Variants in COP1 observed in about 807,000 individuals in gnomAD.
COP1 encodes E3 ubiquitin-protein ligase COP1.
COP1 carries 24 observed loss-of-function variants against 101.3 expected under a neutral mutation model. The ratio of observed to expected loss-of-function variants is 0.24; its 90% CI spans 0.17 to 0.33. The LOEUF is 0.33. Ranked by LOEUF, COP1 falls within the 10% of genes least tolerant of loss-of-function variation. The pLI is 1.00. For missense variants in COP1, 663 were observed against 906.2 expected, an observed-to-expected ratio of 0.73 and a Z score of 3.45; for synonymous variants, 347 against 341.9, an observed-to-expected ratio of 1.01 and a Z score of -0.17.
rs1675674858 is a variant in COP1, at chr1:176,065,054, G to GT, written c.1277+16097dup. Among the ~76,000 whole-genome samples the GT allele has an allele frequency of 3.3e-5, 5 of 152,132 alleles. No homozygotes were observed. The South Asian group carries it at 1.0e-3, about 32-fold the overall frequency. The stretch of plus-strand genomic sequence containing the variant: ...ATAACTAAGATTATAGAAGTTGTAC[G>GT]TAAGTCAATAGCCCTGAAATAACCC... On this transcript the variant is annotated intron_variant, in intron 11 of 19. Coordinates refer to ENST00000367669, the MANE Select transcript of COP1 (RefSeq NM_022457.7).
chr1:176,142,359 C>T (rs1006241042), intron 6 of COP1, among the ~76,000 whole-genome samples: 13 of 151,954 alleles, frequency 8.6e-5, no homozygotes, highest in African/African-American at 2.7e-4. Context: ...AAATGACAGG[C>T]TTATGCTATA....
At chr1:176,026,151 C>T (rs1667623420) in intron 15 of COP1, among the ~76,000 whole-genome samples, 1 of 151,954 alleles carries the variant, frequency 6.6e-6, no homozygotes, top group Non-Finnish European at 1.5e-5. Flanking sequence ...ATAGCGGAAG[C>T]ATTTTTAAAG....
At chr1:175,996,868 T>C (rs1392466615) in intron 15 of COP1, among the ~76,000 whole-genome samples, 87 of 152,092 alleles carry the variant, frequency 5.7e-4, no homozygotes, top group Non-Finnish European at 1.0e-3. Flanking sequence ...AAGCTACCAA[T>C]GACTTTCTTC....
intron 14 of COP1, among the ~76,000 whole-genome samples, chr1:176,038,093 T>A (rs1669890853): frequency 6.6e-6 from 1 of 152,220 alleles, no homozygotes; most frequent in Admixed American, 6.5e-5. Context: ...GCAAGTACAT[T>A]GGCACAATGT....
chr1:175,955,499 A>T (rs990764887), intron 18 of COP1, among the ~76,000 whole-genome samples: 2 of 152,168 alleles, frequency 1.3e-5, no homozygotes, highest in African/African-American at 4.8e-5. Context: ...CCAGTGCGAC[A>T]GTCAAGAAAA....
At chr1:175,953,011 G>T (rs1352091514) in intron 18 of COP1, among the ~76,000 whole-genome samples, 1 of 152,136 alleles carries the variant, frequency 6.6e-6, no homozygotes, top group Non-Finnish European at 1.5e-5. Flanking sequence ...TTTTTTAAAA[G>T]ATAATTTCCT....
intron 5 of COP1, among the ~76,000 whole-genome samples, chr1:176,156,303 C>T (rs1693438256): frequency 6.6e-6 from 1 of 151,452 alleles, no homozygotes. Flanking sequence ...AAAAGAAGTA[C>T]ATGAAAAATA....
chr1:176,076,900 CT>C (rs1678134385), intron 11 of COP1, among the ~76,000 whole-genome samples: 1 of 152,098 alleles, frequency 6.6e-6, no homozygotes, highest in Non-Finnish European at 1.5e-5. Context: ...AACACACAAC[CT>C]CCCAAGATTC....
At chr1:176,177,523 T>A (rs577096396) in intron 2 of COP1, among the ~76,000 whole-genome samples, 6 of 152,234 alleles carry the variant, frequency 3.9e-5, no homozygotes, top group Non-Finnish European at 7.4e-5. Flanking sequence ...TATTTGTTTC[T>A]GGGTCATATA....
At chr1:176,093,240 C>T (rs952091245) in intron 9 of COP1, among the ~76,000 whole-genome samples, 2 of 152,078 alleles carry the variant, frequency 1.3e-5, no homozygotes, top group African/African-American at 4.8e-5. Context: ...ACATGAGTAA[C>T]CTGTATACTA....
At chr1:176,130,370 C>T (rs560658146) in intron 8 of COP1, among the ~76,000 whole-genome samples, 2 of 151,666 alleles carry the variant, frequency 1.3e-5, no homozygotes, top group Non-Finnish European at 3.0e-5. Flanking sequence ...CTAATTTTCT[C>T]ATTATTTCAC....
chr1:175,961,244 C>T (rs1362119531), intron 18 of COP1, among the ~76,000 whole-genome samples: 2 of 152,188 alleles, frequency 1.3e-5, no homozygotes, highest in African/African-American at 4.8e-5. Context: ...TCTAACTATA[C>T]ATGTCCTATT....
At chr1:176,181,592 C>T (rs940115518) in intron 2 of COP1, among the ~76,000 whole-genome samples, 1 of 152,074 alleles carries the variant, frequency 6.6e-6, no homozygotes, top group African/African-American at 2.4e-5. Flanking sequence ...CTTGTAATCC[C>T]AGCACTTTGG....
At chr1:176,007,363 C>A (rs1427868904) in intron 15 of COP1, among the ~76,000 whole-genome samples, 1 of 152,220 alleles carries the variant, frequency 6.6e-6, no homozygotes, top group African/African-American at 2.4e-5. Context: ...CATTCTCCAT[C>A]CAGCTTTGTT....
intron 11 of COP1, among the ~76,000 whole-genome samples, chr1:176,057,177 T>A (rs1377750558): frequency 6.6e-6 from 1 of 152,228 alleles, no homozygotes; most frequent in Non-Finnish European, 1.5e-5. Flanking sequence ...TTATCCATTA[T>A]ATTGTCTAAT....
rs114887560 is a variant in COP1, at chr1:176,084,028, T to C, written c.1141+1748A>G. 6.7e-3 allele frequency among the ~76,000 whole-genome samples: 1,017 copies of C among 152,338 alleles called. 9 individuals carry two copies. Among genetic ancestry groups the C allele is most frequent in the African/African-American group, 0.023 (963 of 41,582 alleles). On this transcript the variant is annotated intron_variant, in intron 10 of 19. Transcript: ENST00000367669. ...ACTTGTGATGACCTTTACTATTCCA[T>C]ACCATATCTATGCTGCCAGTGACTT...
chr1:176,180,800 T>C (rs531677275), intron 2 of COP1, among the ~76,000 whole-genome samples: 12 of 152,270 alleles, frequency 7.9e-5, no homozygotes, highest in Non-Finnish European at 1.8e-4. Context: ...GAACCAGTCA[T>C]TACATCTAAT....
At chr1:176,056,488 G>T (rs1673511590) in intron 11 of COP1, among the ~76,000 whole-genome samples, 1 of 152,072 alleles carries the variant, frequency 6.6e-6, no homozygotes, top group Admixed American at 6.6e-5. Flanking sequence ...AGTGCAGACT[G>T]AACTTTGATC....
chr1:176,017,791 C>G (rs11808755), intron 15 of COP1, among the ~76,000 whole-genome samples: 2 of 152,198 alleles, frequency 1.3e-5, no homozygotes, highest in African/African-American at 4.8e-5. Flanking sequence ...TCCCAAAGTG[C>G]TGGGATTAGA....
Sources: allele counts gnomAD v4.1 joint callset (sites outside exome capture counted in the v4.1 genomes callset), GRCh38; gene constraint gnomAD v4.1.1; transcripts MANE v1.5; gene names NCBI Gene and HGNC (gene_info 2026-07-23, HGNC 2026-07-21).